The following COL14A1 variants were observed in gnomAD, a reference collection of about 807,000 sequenced individuals.
The protein encoded by COL14A1 is collagen alpha-1(XIV) chain.
COL14A1 carries 136 observed loss-of-function variants against 230.3 expected under a neutral mutation model. The ratio of observed to expected loss-of-function variants is 0.59; its 90% CI spans 0.51 to 0.68. The LOEUF (loss-of-function observed/expected upper bound fraction) is 0.68, where lower values mean the gene tolerates loss of function less well. Ranked by LOEUF, COL14A1 falls within the 30% of genes least tolerant of loss-of-function variation. The probability of loss-of-function intolerance (pLI) is 0.00; values close to 1 mark genes in which losing one functional copy is unlikely to be tolerated. For missense variants in COL14A1, 1,976 were observed against 2,215.8 expected (o/e 0.89, Z 2.17); for synonymous variants, 792 against 784.1 (o/e 1.01, Z -0.17).
intron 45 of COL14A1, among the ~76,000 whole-genome samples, chr8:120,366,820 T>C (rs1283957146): frequency 6.6e-6 from 1 of 152,236 alleles, no homozygotes; most frequent in East Asian, 1.9e-4. Flanking sequence ...TTGTGATTTC[T>C]ATTGTGTTAC....
At chr8:120,251,013 G>A (rs1344759441) in intron 22 of COL14A1, among the ~76,000 whole-genome samples, 1 of 152,030 alleles carries the variant, frequency 6.6e-6, no homozygotes, top group African/African-American at 2.4e-5. Context: ...TCACCATGTT[G>A]GCCAGGTTGG....
Position 120,199,523 on chromosome 8 carries a change from A to C in COL14A1, c.834A>C (p.Pro278=). ...AATCCCAAGATGACATTATTCCACC[A>C]TCTAGAAATCTTCGTGAGTCTGGTG... The part of the protein sequence containing the change: ...DGKSQDDIIP[P]SRNLRESGVE... Residue 278 remains proline (P), a synonymous_variant, in exon 8 of 48, where the codon CCA becomes CCC. Coordinates refer to ENST00000297848, the MANE Select transcript of COL14A1 (RefSeq NM_021110.4). 1 of 1,613,106 alleles carries C rather than the reference A, an allele frequency of 6.2e-7. No homozygotes were observed.
chr8:120,271,204 C>G (rs569048760), intron 26 of COL14A1, among the ~76,000 whole-genome samples: 27 of 151,470 alleles, frequency 1.8e-4, no homozygotes, highest in Non-Finnish European at 3.0e-4. Flanking sequence ...AAGGGAAGAG[C>G]AAACACCAGG....
chr8:120,221,585 T>G (rs1176993985), intron 14 of COL14A1, among the ~76,000 whole-genome samples: 1 of 118,288 alleles, frequency 8.5e-6, no homozygotes, highest in African/African-American at 3.3e-5. Flanking sequence ...CACACACACG[T>G]TTCTCCTTTT....
chr8:120,131,315 C>A (rs1217769107), intron 1 of COL14A1, among the ~76,000 whole-genome samples: 1 of 151,664 alleles, frequency 6.6e-6, no homozygotes, highest in African/African-American at 2.4e-5. Context: ...GTGGCTGAAC[C>A]AATTTACATT....
At chr8:120,127,198 C>A (rs993112546) in intron 1 of COL14A1, among the ~76,000 whole-genome samples, 1 of 152,134 alleles carries the variant, frequency 6.6e-6, no homozygotes, top group Non-Finnish European at 1.5e-5. Flanking sequence ...TTTTACCTAG[C>A]AAAATATTTT....
At chr8:120,348,416 G>T (rs1365258569) in intron 45 of COL14A1, among the ~76,000 whole-genome samples, 1 of 151,814 alleles carries the variant, frequency 6.6e-6, no homozygotes, top group African/African-American at 2.4e-5. Flanking sequence ...CATTCTAAGT[G>T]AATTGACTCA....
chr8:120,225,251 G>A (rs1279833082), intron 15 of COL14A1, 37 bp downstream of exon 15: 3 of 1,599,432 alleles, frequency 1.9e-6, no homozygotes, highest in Non-Finnish European at 2.6e-6. Context: ...AGTTTTGAGA[G>A]TAGCTATTAA....
At chr8:120,203,568 T>G in intron 8 of COL14A1, 141 bp from the exon 9 acceptor site, 1 of 533,826 alleles carries the variant, frequency 1.9e-6, no homozygotes. Context: ...TTAAATAAAA[T>G]TTTAAATATA....
At chr8:120,309,204 G>C (rs1223408835) in intron 36 of COL14A1, among the ~76,000 whole-genome samples, 1 of 152,158 alleles carries the variant, frequency 6.6e-6, no homozygotes, top group Non-Finnish European at 1.5e-5. Context: ...CAAAGTGCTG[G>C]GATTACAGGC....
chr8:120,343,989 T>C (rs1309317069), intron 44 of COL14A1, among the ~76,000 whole-genome samples: 1 of 152,222 alleles, frequency 6.6e-6, no homozygotes, highest in Non-Finnish European at 1.5e-5. Flanking sequence ...AAATATCTGA[T>C]TATTTAAAGC....
intron 45 of COL14A1, among the ~76,000 whole-genome samples, chr8:120,358,960 G>A (rs1823085958): frequency 6.6e-6 from 1 of 152,040 alleles, no homozygotes; most frequent in Admixed American, 6.5e-5. Flanking sequence ...TTTGACTTTG[G>A]CATTAAATTA....
intron 40 of COL14A1, among the ~76,000 whole-genome samples, chr8:120,325,475 CTGTTTGTTTGTT>C (rs34330810): frequency 0.066 from 9,952 of 150,718 alleles, 554 homozygotes; most frequent in East Asian, 0.23. Context: ...AAGTGTTCTG[CTGTTTGTTTGTT>C]TGTTTGTTTG....
At chr8:120,248,062 C>G (rs1472691199) in intron 21 of COL14A1, among the ~76,000 whole-genome samples, 1 of 152,128 alleles carries the variant, frequency 6.6e-6, no homozygotes, top group Non-Finnish European at 1.5e-5. Flanking sequence ...GAATAGGAAG[C>G]TTTATGCTCA....
intron 8 of COL14A1, among the ~76,000 whole-genome samples, chr8:120,202,672 GGATT>G (rs568510406): frequency 3.6e-4 from 55 of 152,118 alleles, no homozygotes; most frequent in South Asian, 1.5e-3. Context: ...CAAACTCATA[GGATT>G]GATTGTCAGG....
intron 5 of COL14A1, among the ~76,000 whole-genome samples, chr8:120,170,434 A>C (rs543974099): frequency 3.2e-4 from 49 of 152,168 alleles, no homozygotes; most frequent in African/African-American, 1.1e-3. Flanking sequence ...TTAATTTCTA[A>C]ACATCTGGAG....
chr8:120,148,768 A>G (rs1442618138), intron 2 of COL14A1, among the ~76,000 whole-genome samples: 1 of 152,194 alleles, frequency 6.6e-6, no homozygotes, highest in Non-Finnish European at 1.5e-5. Context: ...AATGATTTCT[A>G]GCTTTGTTTT....
intron 12 of COL14A1, among the ~76,000 whole-genome samples, chr8:120,211,202 A>G (rs544757536): frequency 3.3e-5 from 5 of 152,292 alleles, no homozygotes; most frequent in South Asian, 2.1e-4. Flanking sequence ...GCATTTTTCA[A>G]TGCAGGCACT....
At chr8:120,251,112 A>C (rs1818934230) in intron 22 of COL14A1, among the ~76,000 whole-genome samples, 1 of 152,134 alleles carries the variant, frequency 6.6e-6, no homozygotes, top group Non-Finnish European at 1.5e-5. Context: ...ACTTTCACTC[A>C]ACCCTGCTTC....
Sources: allele counts gnomAD v4.1 joint callset (sites outside exome capture counted in the v4.1 genomes callset), GRCh38; gene constraint gnomAD v4.1.1; transcripts MANE v1.5; gene names NCBI Gene and HGNC (gene_info 2026-07-23, HGNC 2026-07-21).